Variants in MUC12 observed in about 807,000 individuals in gnomAD.
MUC12 encodes mucin 12, cell surface associated.
MUC12 carries 172 observed loss-of-function variants against 230.8 expected under a neutral mutation model. The ratio of observed to expected loss-of-function variants is 0.75; its 90% CI spans 0.66 to 0.85. The LOEUF (loss-of-function observed/expected upper bound fraction) is 0.85. Among genes scored for constraint, MUC12 ranks in the 40% least tolerant of loss-of-function variants. The pLI, the probability that MUC12 is intolerant of heterozygous loss-of-function variation, is 0.00. For missense variants in MUC12, 3,506 were observed against 5,920.6 expected (o/e 0.59, Z 13.38); for synonymous variants, 1,259 against 2,401.9 (o/e 0.52, Z 13.91).
In MUC12 at chr7:101,004,750, C is replaced by G. The variant is rs750061279; in HGVS notation, c.14187C>G (p.Ala4729=). ...GSMETTLAST[A]TTPGLSAKST... is the part of the protein sequence containing the mutation. ...TGGAAACAACATTAGCCAGCACTGC[C>G]ACAACACCAGGCCTCAGTGCAAAAT... Residue 4729 remains alanine, a synonymous_variant, in exon 2 of 12, where the codon GCC becomes GCG. Coordinates refer to ENST00000536621, the MANE Select transcript of MUC12 (RefSeq NM_001164462.2). 2.3e-5 allele frequency: 35 copies of G among 1,536,822 alleles called. No individual in the cohort carries two copies. The highest frequency in any genetic ancestry group is 3.9e-5 in the Admixed American group (2 of 50,958).
chr7:101,014,686 C>A (rs1793889742), intron 9 of MUC12, among the ~76,000 whole-genome samples: 2 of 152,070 alleles, frequency 1.3e-5, no homozygotes, highest in South Asian at 4.2e-4. Flanking sequence ...CCATGTTGGC[C>A]AGGCTGGTCT....
intron 10 of MUC12, chr7:101,017,205 A>G (rs752416940): frequency 2.5e-4 from 47 of 186,032 alleles, no homozygotes; most frequent in Non-Finnish European, 4.1e-4. Context: ...TTTGCCTGCT[A>G]TGGTTACCGT....
At chr7:100,989,895 G>A (rs192832488) in intron 1 of MUC12, among the ~76,000 whole-genome samples, 1 of 152,138 alleles carries the variant, frequency 6.6e-6, no homozygotes, top group Non-Finnish European at 1.5e-5. Context: ...GTTTCACTAT[G>A]TTGGCCAAAC....
intron 1 of MUC12, among the ~76,000 whole-genome samples, chr7:100,983,307 C>A (rs948062266): frequency 6.6e-6 from 1 of 151,436 alleles, no homozygotes; most frequent in Non-Finnish European, 1.5e-5. Context: ...GTAATCCCAG[C>A]AACTTGGGAG....
chr7:101,012,711 G>T, intron 6 of MUC12, 108 bp from the exon 7 acceptor site: 1 of 1,265,268 alleles, frequency 7.9e-7, no homozygotes, highest in South Asian at 1.3e-5. Context: ...ACTCCCACGG[G>T]CATTGGCCCA....
rs1415612479 is a variant in MUC12 at position 100,969,764 on chromosome 7, C to T, written c.67+75C>T. On this transcript the variant is annotated intron_variant, in intron 1 of 11. Coordinates refer to ENST00000536621, the MANE Select transcript of MUC12 (RefSeq NM_001164462.2). Reference sequence around the variant, plus strand: ...TAGTACATGCCCCTGCCTCAGGCAGCAGGGCTGCAGGTGGCCTCCTCCCCT... The same window carrying T: ...TAGTACATGCCCCTGCCTCAGGCAGTAGGGCTGCAGGTGGCCTCCTCCCCT... 5.2e-6 allele frequency: 8 copies of T among 1,528,782 alleles called. No individual in the cohort carries two copies. The East Asian group carries it at 1.2e-4, about 23-fold the overall frequency. 94.7% of individuals were successfully genotyped at this position (1,528,782 alleles called of 1,614,324 possible).
chr7:100,987,220 C>T (rs971373413), intron 1 of MUC12, among the ~76,000 whole-genome samples: 2 of 152,074 alleles, frequency 1.3e-5, no homozygotes, highest in African/African-American at 2.4e-5. Context: ...GCGCATGCTA[C>T]CATGCCTGGC....
At chr7:100,983,634 C>G (rs556635776) in intron 1 of MUC12, among the ~76,000 whole-genome samples, 80 of 152,248 alleles carry the variant, frequency 5.3e-4, no homozygotes, top group African/African-American at 1.8e-3. Context: ...AGGGCAAAGA[C>G]ATTCCTAGGC....
At position 101,014,028 on chromosome 7, in the gene MUC12, A is replaced by T. The variant is rs189366396; in HGVS notation, c.15754A>T (p.Ile5252Phe). 1.8e-5 allele frequency: 27 copies of T among 1,536,724 alleles called. No individual in the cohort carries two copies. In the East Asian group the frequency reaches 3.7e-4, roughly 21 times the overall value. ...AVMAVLLLALIILIILFSLSQ... is the reference protein window; with the variant it reads ...AVMAVLLLALFILIILFSLSQ... ...GATGGCGGTGCTGCTGCTCGCATTGATCATCCTAATCATCTTATTCAGCCT... is the reference window on the plus strand; with the variant it reads ...GATGGCGGTGCTGCTGCTCGCATTGTTCATCCTAATCATCTTATTCAGCCT... The change falls in exon 9 of 12, where the codon ATC becomes TTC. Residue 5252 changes from isoleucine (I) to phenylalanine (F), a missense_variant. Physicochemically the swap from Ile to Phe is conservative, Grantham distance 21. Transcript: ENST00000536621.
At position 100,992,333 on chromosome 7, in the gene MUC12, A is replaced by G. The variant is rs1201511157; in HGVS notation, c.1770A>G (p.Thr590=). ...GCCGCCCAGGCTCCACTGAAACAAC[A>G]CTCTTACCTGACAACACCACAGCCT... is the stretch of plus-strand genomic sequence containing the variant. ...FHSRPGSTET[T]LLPDNTTASG... Residue 590 remains threonine, a synonymous_variant, in exon 2 of 12, where the codon ACA becomes ACG. Transcript: ENST00000536621. 1 of 1,536,496 alleles carries G rather than the reference A, an allele frequency of 6.5e-7. No individual in the cohort carries two copies. The highest frequency in any genetic ancestry group is 8.7e-7 in the Non-Finnish European group (1 of 1,146,050).
intron 1 of MUC12, among the ~76,000 whole-genome samples, chr7:100,980,151 C>A (rs1396411964): frequency 6.6e-6 from 1 of 152,040 alleles, no homozygotes; most frequent in East Asian, 1.9e-4. Context: ...TCAAGTGATT[C>A]CCCTGCCTCA....
In MUC12 at chr7:100,994,111, G is replaced by T. The variant is rs201625537; in HGVS notation, c.3548G>T (p.Gly1183Val). The T allele has an allele frequency of 1.0e-4, 104 of 1,027,698 alleles. 34 individuals are homozygous for T. The highest frequency in any genetic ancestry group is 1.1e-5 in the Non-Finnish European group (8 of 760,108). The allele number at this position is 1,027,698 out of a possible 1,614,324, so 63.7% of individuals were successfully genotyped here. A position where few individuals can be genotyped will look rare whatever the true frequency, so the allele number is the denominator to read the frequency against. The change falls in exon 2 of 12, where the codon GGT becomes GTT. Residue 1183 changes from glycine (G) to valine (V), a missense_variant. Coordinates refer to ENST00000536621, the MANE Select transcript of MUC12 (RefSeq NM_001164462.2). The part of the protein sequence containing the change: ...FPHSTTTSVH[G>V]EEPTTFHSRP... ...CACAGCACCACAACCTCAGTTCATGGTGAAGAGCCTACAACCTTCCACAGC... is the reference window on the plus strand; with the variant it reads ...CACAGCACCACAACCTCAGTTCATGTTGAAGAGCCTACAACCTTCCACAGC...
chr7:100,973,127 G>A (rs78149794), intron 1 of MUC12: 17,881 of 662,210 alleles, frequency 0.027, 1,072 homozygotes, highest in South Asian at 0.14. Flanking sequence ...GAGTAGGGCT[G>A]GGGATGCCTC....
chr7:101,010,153 G>A (rs1584846617), intron 5 of MUC12, among the ~76,000 whole-genome samples: 2 of 152,090 alleles, frequency 1.3e-5, no homozygotes, highest in Non-Finnish European at 1.5e-5. Flanking sequence ...AATGAGGAAC[G>A]AGGGCAGATT....
chr7:101,008,615 C>A lies in MUC12; in HGVS notation c.15059-19C>A. 1 of 1,536,098 alleles carries A rather than the reference C, an allele frequency of 6.5e-7. No individual in the cohort carries two copies. Among genetic ancestry groups the A allele is most frequent in the Non-Finnish European group, 8.7e-7 (1 of 1,146,258 alleles). On this transcript the variant is annotated intron_variant, in intron 3 of 11. Coordinates refer to ENST00000536621, the MANE Select transcript of MUC12 (RefSeq NM_001164462.2). Reference sequence around the variant, plus strand: ...TTGGGAGGTCGCTGTCTCACGCATACCATGGCCTTTTCCCACAGAAACCCC... The same window carrying A: ...TTGGGAGGTCGCTGTCTCACGCATAACATGGCCTTTTCCCACAGAAACCCC...
rs541222991 is a variant in MUC12 at position 100,990,117 on chromosome 7, C to T, written c.68-514C>T. ...GTCTATAACAGGGGTCCCCAACCCCCTGGCCCCAGACCAGAACTGGTCCGT... is the reference window on the plus strand; with the variant it reads ...GTCTATAACAGGGGTCCCCAACCCCTTGGCCCCAGACCAGAACTGGTCCGT... On this transcript the variant is annotated intron_variant, in intron 1 of 11. Coordinates refer to ENST00000536621, the MANE Select transcript of MUC12 (RefSeq NM_001164462.2). 3.3e-5 allele frequency among the ~76,000 whole-genome samples: 5 copies of T among 152,340 alleles called. No homozygotes were observed. The South Asian group carries it at 6.2e-4, about 19-fold the overall frequency.
chr7:100,992,563 C>T lies in MUC12; in HGVS notation c.2000C>T (p.Ser667Leu), dbSNP rs372488155. ...PSTTSHGSPSSIPTTHISARS... is the reference protein window; with the variant it reads ...PSTTSHGSPSLIPTTHISARS... ...ACAACCTCCCACGGCAGCCCGAGCT[C>T]AATTCCAACAACCCACATTTCTGCC... Residue 667 changes from serine to leucine, a missense_variant, in exon 2 of 12, where the codon TCA becomes TTA. Transcript: ENST00000536621. 3.1e-4 allele frequency: 478 copies of T among 1,537,988 alleles called. 3 individuals are homozygous for T. In the African/African-American group the frequency reaches 4.8e-3, roughly 15 times the overall value.
chr7:100,991,436 T>G lies in MUC12; in HGVS notation c.873T>G (p.Pro291=), dbSNP rs1452050381. Residue 291 remains proline (P), a synonymous_variant, in exon 2 of 12, where the codon CCT becomes CCG. Transcript: ENST00000536621. ...GCTCAAAGGACACTTCGCCTGCACCTTCTGGTACCACATCAGCCTTTGTTA... is the reference window on the plus strand; with the variant it reads ...GCTCAAAGGACACTTCGCCTGCACCGTCTGGTACCACATCAGCCTTTGTTA... ...WPSSKDTSPA[P]SGTTSAFVKL... The G allele has an allele frequency of 1.3e-6, 2 of 1,537,796 alleles. No homozygotes were observed. Among genetic ancestry groups the G allele is most frequent in the East Asian group, 4.9e-5 (2 of 40,910 alleles).
At chr7:100,981,338 C>T (rs1328959440) in intron 1 of MUC12, 8 of 587,886 alleles carry the variant, frequency 1.4e-5, no homozygotes, top group Non-Finnish European at 2.4e-5. Context: ...AATCTCTTCA[C>T]CCAGAGCATG....
Sources: allele counts gnomAD v4.1 joint callset (sites outside exome capture counted in the v4.1 genomes callset), GRCh38; gene constraint gnomAD v4.1.1; transcripts MANE v1.5; gene names NCBI Gene and HGNC (gene_info 2026-07-23, HGNC 2026-07-21).